Variants in FBXL13 observed in about 807,000 individuals in gnomAD.
The protein encoded by FBXL13 is F-box and leucine-rich repeat protein 13.
In FBXL13, 67 loss-of-function variants were observed where a neutral mutation model predicts 83.6. That is an observed-to-expected ratio of 0.80 (90% CI 0.66 to 0.98). FBXL13 has a LOEUF of 0.98. Among genes scored for constraint, FBXL13 ranks in the 50% least tolerant of loss-of-function variants. The pLI is 0.00. For missense variants in FBXL13, 822 were observed against 866.5 expected (o/e 0.95, Z 0.64); for synonymous variants, 272 against 299.5 (o/e 0.91, Z 0.95).
chr7:102,958,345 T>C (rs890764379), intron 8 of FBXL13, among the ~76,000 whole-genome samples: 4 of 151,834 alleles, frequency 2.6e-5, no homozygotes, highest in East Asian at 1.9e-4. Flanking sequence ...ATGAGATCAC[T>C]TGAACACAGG....
intron 16 of FBXL13, among the ~76,000 whole-genome samples, chr7:102,861,839 G>A (rs1372625168): frequency 2.6e-5 from 4 of 151,932 alleles, no homozygotes; most frequent in Non-Finnish European, 5.9e-5. Context: ...AAAATTATCC[G>A]GGCATGGTGG....
chr7:102,956,097 C>A (rs949642551), intron 8 of FBXL13, among the ~76,000 whole-genome samples: 1 of 152,098 alleles, frequency 6.6e-6, no homozygotes, highest in African/African-American at 2.4e-5. Flanking sequence ...GAATTTTAGA[C>A]CAATATCCCT....
intron 8 of FBXL13, among the ~76,000 whole-genome samples, chr7:102,948,819 C>A (rs1822959138): frequency 6.6e-6 from 1 of 152,090 alleles, no homozygotes; most frequent in South Asian, 2.1e-4. Context: ...TCAAGCAATT[C>A]TCGTGCCTCA....
intron 1 of FBXL13, among the ~76,000 whole-genome samples, chr7:103,068,172 C>T (rs187450478): frequency 3.0e-4 from 46 of 152,216 alleles, no homozygotes; most frequent in South Asian, 4.1e-4. Flanking sequence ...GTGAATACTG[C>T]GGGCACAAGA....
exon 2 of FBXL13, chr7:103,055,695 A>G: frequency 7.8e-7 from 1 of 1,286,826 alleles, no homozygotes; most frequent in Non-Finnish European, 1.0e-6. Context: ...CATTCCCTCT[A>G]AATACCTCAG....
intron 18 of FBXL13, among the ~76,000 whole-genome samples, chr7:102,830,805 T>A (rs549411212): frequency 1.9e-4 from 29 of 152,366 alleles, no homozygotes; most frequent in African/African-American, 6.7e-4. Flanking sequence ...AATAACCTTG[T>A]AATTTCTGAG....
intron 8 of FBXL13, chr7:102,944,668 A>G (rs913591957): frequency 9.1e-6 from 13 of 1,430,014 alleles, no homozygotes; most frequent in Admixed American, 6.7e-5. Flanking sequence ...TAGAAAACAT[A>G]TGTTTACATT....
At chr7:103,059,861 T>A (rs550745057) in intron 1 of FBXL13, among the ~76,000 whole-genome samples, 2 of 151,766 alleles carry the variant, frequency 1.3e-5, no homozygotes, top group South Asian at 4.2e-4. Flanking sequence ...TGCAATCTTC[T>A]ACCATGCAAC....
At chr7:102,854,933 T>C (rs1370644043) in intron 16 of FBXL13, 73 bp from the exon 18 acceptor site, 4 of 810,270 alleles carry the variant, frequency 4.9e-6, no homozygotes, top group Non-Finnish European at 7.6e-6. Flanking sequence ...AATAACCATT[T>C]ATACAAACTG....
intron 6 of FBXL13, chr7:102,988,824 A>C (rs1250621008): frequency 6.6e-6 from 1 of 152,256 alleles, no homozygotes; most frequent in African/African-American, 2.4e-5. Context: ...GACTGTGTTA[A>C]GTAATAAATC....
intron 13 of FBXL13, 36 bp from the exon 15 acceptor site, chr7:102,883,503 T>C: frequency 6.3e-7 from 1 of 1,596,244 alleles, no homozygotes; most frequent in East Asian, 2.2e-5. Context: ...ACAAGTATTG[T>C]ATTTAGAATG....
At chr7:103,056,811 G>C (rs961351981) in intron 1 of FBXL13, among the ~76,000 whole-genome samples, 2 of 151,170 alleles carry the variant, frequency 1.3e-5, no homozygotes, top group Admixed American at 6.6e-5. Flanking sequence ...CTGCATCCAC[G>C]CCAACATCTA....
At chr7:102,888,139 T>C (rs1051928850) in intron 11 of FBXL13, among the ~76,000 whole-genome samples, 3 of 152,234 alleles carry the variant, frequency 2.0e-5, no homozygotes, top group Non-Finnish European at 4.4e-5. Context: ...TACTCTTTTT[T>C]TGAATTTCCT....
intron 6 of FBXL13, among the ~76,000 whole-genome samples, chr7:102,989,138 A>T (rs550464706): frequency 6.6e-6 from 1 of 152,360 alleles, no homozygotes; most frequent in Admixed American, 6.5e-5. Context: ...CAAACAATTG[A>T]GTAAACTGGA....
intron 10 of FBXL13, among the ~76,000 whole-genome samples, chr7:102,924,703 G>A (rs1315108917): frequency 3.4e-5 from 5 of 146,394 alleles, no homozygotes; most frequent in South Asian, 2.1e-4. Context: ...GTGCAGTGGC[G>A]CAATCTTGGC....
chr7:103,036,902 A>G (rs1039031515), intron 2 of FBXL13, among the ~76,000 whole-genome samples: 7 of 152,228 alleles, frequency 4.6e-5, no homozygotes, highest in African/African-American at 1.4e-4. Flanking sequence ...CAATAAACAC[A>G]TATTTAAATA....
chr7:102,849,422 G>A (rs1804778948), intron 17 of FBXL13, among the ~76,000 whole-genome samples: 1 of 152,084 alleles, frequency 6.6e-6, no homozygotes, highest in Admixed American at 6.5e-5. Context: ...TTCTTATTAT[G>A]TTCACAACTC....
chr7:102,835,428 T>C (rs1801706071), intron 17 of FBXL13, among the ~76,000 whole-genome samples: 1 of 152,136 alleles, frequency 6.6e-6, no homozygotes, highest in Non-Finnish European at 1.5e-5. Context: ...ATAAGCCCCT[T>C]GTACTGCCTG....
chr7:102,931,423 A>G (rs184239247), intron 9 of FBXL13, among the ~76,000 whole-genome samples: 23 of 152,298 alleles, frequency 1.5e-4, no homozygotes, highest in Admixed American at 3.3e-4. Flanking sequence ...GCCTTTTACA[A>G]AGAGTATAAA....
Sources: allele counts gnomAD v4.1 joint callset (sites outside exome capture counted in the v4.1 genomes callset), GRCh38; gene constraint gnomAD v4.1.1; transcripts MANE v1.5; gene names NCBI Gene and HGNC (gene_info 2026-07-23, HGNC 2026-07-21).